The following ZNF311 variants were observed in gnomAD, a reference collection of about 807,000 sequenced individuals.
ZNF311 encodes zinc finger protein 311.
In ZNF311, 14 loss-of-function variants were observed where a neutral mutation model predicts 22.7. The ratio of observed to expected loss-of-function variants is 0.62; its 90% CI spans 0.41 to 0.96. ZNF311 has a LOEUF of 0.96. ZNF311 is among the 40% of genes least tolerant of loss of function. ZNF311 has a pLI of 0.00. For synonymous variants in ZNF311, 250 were observed against 275.3 expected, an observed-to-expected ratio of 0.91 and a Z score of 0.91; for missense variants, 731 against 799.0, an observed-to-expected ratio of 0.91 and a Z score of 1.03.
At chr6:29,003,662 G>A in intron 2 of ZNF311, 68 bp from the exon 3 acceptor site, 5 of 1,553,956 alleles carry the variant, frequency 3.2e-6, no homozygotes, top group South Asian at 1.1e-5. Context: ...GAAGATGCAA[G>A]CAACCATACA....
Position 29,004,184 on chromosome 6 carries a change from C to T in ZNF311, c.-230G>A, listed in dbSNP as rs892901665. On this transcript the variant is annotated 5_prime_UTR_variant, in exon 2 of 7. The change creates a new upstream start codon in the 5' untranslated region. Transcript: ENST00000377179. ...CTGGATTTGGGGTTCATTAGCAACA[C>T]TAAACCGCTGTGATCTCACATCTTG... 11 of 1,436,962 alleles carry T rather than the reference C, an allele frequency of 7.7e-6. No individual in the cohort carries two copies. The Admixed American group carries it at 1.7e-4, about 22-fold the overall frequency. The allele number at this position is 1,436,962 out of a possible 1,614,324, so 89.0% of individuals were successfully genotyped here. A position where few individuals can be genotyped will look rare whatever the true frequency, so the allele number is the denominator to read the frequency against.
In ZNF311 at chr6:28,995,768, C is replaced by T. The variant is rs1412226774; in HGVS notation, c.1234G>A (p.Glu412Lys). 2 of 1,613,842 alleles carry T rather than the reference C, an allele frequency of 1.2e-6. No homozygotes were observed. The highest frequency in any genetic ancestry group is 1.3e-5 in the African/African-American group (1 of 74,904). Residue 412 changes from glutamate (E) to lysine (K), a missense_variant, in exon 7 of 7, where the codon GAA becomes AAA. Glu to Lys is a moderately conservative substitution (Grantham distance 56). Coordinates refer to ENST00000377179, the MANE Select transcript of ZNF311 (RefSeq NM_001382360.1). This position sits in a 1 kb window ranked among gnomAD's most constrained non-coding sequence, Gnocchi z 4.7. ...LTKHIRIHTG[E>K]RPYECSKCGR... ...CACTTGCTGCACTCATAAGGTCGTT[C>T]CCCAGTGTGGATTCTTATGTGTTTG...
At position 28,995,600 on chromosome 6, in the gene ZNF311, C is replaced by A. The variant is rs767960039; in HGVS notation, c.1402G>T (p.Glu468Ter). 6.2e-7 allele frequency: 1 copy of A among 1,613,628 alleles called. No homozygotes were observed. The highest frequency in any genetic ancestry group is 1.3e-5 in the African/African-American group (1 of 75,042). ...LTKHRRIHTEEKRYRCEECGK... is the reference protein window; with the variant it reads ...LTKHRRIHTE The stretch of plus-strand genomic sequence containing the variant: ...CACTCCTCACACCTGTAACGTTTCT[C>A]TTCAGTGTGGATCCTTCTGTGTTTG... Residue 468 changes from glutamate (E) to a stop codon, truncating the protein, a stop_gained, in exon 7 of 7, where the codon GAG becomes TAG. Transcript: ENST00000377179. LOFTEE classifies it low-confidence loss of function (END_TRUNC). The surrounding 1 kb of genome is among the most constrained non-coding windows in gnomAD (Gnocchi z 4.7).
chr6:29,000,095 G>T, intron 3 of ZNF311, 48 bp from the exon 4 acceptor site: 4 of 1,540,004 alleles, frequency 2.6e-6, no homozygotes, highest in Non-Finnish European at 3.6e-6. Context: ...CAGTATTAAT[G>T]AAATCTCCTG....
At chr6:29,005,601 A>G (rs983763255), upstream of ZNF311, among the ~76,000 whole-genome samples, 4 of 152,098 alleles carry the variant, frequency 2.6e-5, no homozygotes, top group African/African-American at 9.7e-5. Context: ...GAAATGAGAA[A>G]CAGAAATATA....
At position 28,995,946 on chromosome 6, in the gene ZNF311, G is replaced by C. The variant is rs1039151008; in HGVS notation, c.1056C>G (p.Ile352Met). The change falls in exon 7 of 7, where the codon ATC becomes ATG. Residue 352 changes from isoleucine (I) to methionine (M), a missense_variant. Coordinates refer to ENST00000377179, the MANE Select transcript of ZNF311 (RefSeq NM_001382360.1). This position sits in a 1 kb window ranked among gnomAD's most constrained non-coding sequence, Gnocchi z 4.7. The part of the protein sequence containing the change: ...TRNRLCMHQL[I>M]HTGEKPYKCN... ...ATTTGTAAGGCTTCTCCCCGGTGTG[G>C]ATAAGCTGATGCATACAGAGACGGT... is the stretch of plus-strand genomic sequence containing the variant. 10 of 1,613,736 alleles carry C rather than the reference G, an allele frequency of 6.2e-6. No homozygotes were observed. In the African/African-American group the frequency reaches 1.2e-4, roughly 19 times the overall value.
At position 28,995,651 on chromosome 6, in the gene ZNF311, C is replaced by A. The variant is rs1287604648; in HGVS notation, c.1351G>T (p.Asp451Tyr). The change falls in exon 7 of 7, where the codon GAC becomes TAC. Residue 451 changes from aspartate to tyrosine, a missense_variant. Asp to Tyr is a radical substitution (Grantham distance 160). Coordinates refer to ENST00000377179, the MANE Select transcript of ZNF311 (RefSeq NM_001382360.1). The surrounding 1 kb of genome is among the most constrained non-coding windows in gnomAD (Gnocchi z 4.7). The stretch of plus-strand genomic sequence containing the variant: ...GTGAGTTCTGCCTTGATGCTGAAGT[C>A]TTTTCCACACTGGGGACACCCATAG... ...KHYGCPQCGK[D>Y]FSIKAELTKH... 3 of 1,613,428 alleles carry A rather than the reference C, an allele frequency of 1.9e-6. No homozygotes were observed. The highest frequency in any genetic ancestry group is 2.5e-6 in the Non-Finnish European group (3 of 1,180,014).
chr6:29,004,442 CTTTTT>C (rs9280531), intron 1 of ZNF311, among the ~76,000 whole-genome samples: 9 of 30,604 alleles, frequency 2.9e-4, no homozygotes, highest in African/African-American at 9.0e-4. Context: ...TTCCTCCTTT[CTTTTT>C]TTTTTTTTTT....
intron 2 of ZNF311, 72 bp downstream of exon 2, chr6:29,003,874 G>A (rs552356772): frequency 6.2e-7 from 1 of 1,612,694 alleles, no homozygotes; most frequent in East Asian, 2.2e-5. Context: ...CACTCACACT[G>A]CTTTCCTTCT....
Position 28,994,976 on chromosome 6 carries a change from G to T in ZNF311, c.*25C>A. 1 of 1,555,370 alleles carries T rather than the reference G, an allele frequency of 6.4e-7. No homozygotes were observed. On this transcript the variant is annotated 3_prime_UTR_variant, in exon 7 of 7. Transcript: ENST00000377179. ...ACCAGCCTAAGAGGTAGGAAAAACA[G>T]AAAGTAACACCAGAATCGTTATACT...
At chr6:29,003,299 G>A (rs1780705900) in intron 3 of ZNF311, among the ~76,000 whole-genome samples, 1 of 152,090 alleles carries the variant, frequency 6.6e-6, no homozygotes, top group Non-Finnish European at 1.5e-5. Context: ...TTTACACACT[G>A]ATTTTTTTCA....
chr6:28,999,424 A>C, intron 5 of ZNF311, 63 bp downstream of exon 5: 1 of 1,454,066 alleles, frequency 6.9e-7, no homozygotes, highest in Admixed American at 2.3e-5. Context: ...TACATCAATA[A>C]ATAAATCAAT....
intron 3 of ZNF311, among the ~76,000 whole-genome samples, chr6:29,002,627 T>A (rs2150719783): frequency 6.6e-6 from 1 of 151,392 alleles, no homozygotes; most frequent in Admixed American, 6.6e-5. Flanking sequence ...GCAATTTTTT[T>A]TTTTTTTTTT....
chr6:28,995,585 A>T lies in ZNF311; in HGVS notation c.1417T>A (p.Cys473Ser). 1 of 1,613,524 alleles carries T rather than the reference A, an allele frequency of 6.2e-7. No homozygotes were observed. The highest frequency in any genetic ancestry group is 8.5e-7 in the Non-Finnish European group (1 of 1,180,000). Residue 473 changes from cysteine (C) to serine (S), a missense_variant, in exon 7 of 7, where the codon TGT (cysteine) becomes AGT (serine). Coordinates refer to ENST00000377179, the MANE Select transcript of ZNF311 (RefSeq NM_001382360.1). This position sits in a 1 kb window ranked among gnomAD's most constrained non-coding sequence, Gnocchi z 4.7. ...CGAAAGGCTTTCCCACACTCCTCAC[A>T]CCTGTAACGTTTCTCTTCAGTGTGG... ...RIHTEEKRYR[C>S]EECGKAFRHN...
At position 28,995,113 on chromosome 6, in the gene ZNF311, T is replaced by C; in HGVS notation, c.1889A>G (p.Lys630Arg). The part of the protein sequence containing the change: ...FRVSSNLTGH[K>R]KRKHQVWSTH... The stretch of plus-strand genomic sequence containing the variant: ...ACTCCATACTTGATGTTTTCTTTTC[T>C]TATGTCCAGTAAGATTTGAGCTCAC... The change falls in exon 7 of 7, where the codon AAG (lysine) becomes AGG (arginine). Residue 630 changes from lysine to arginine, a missense_variant. Lys to Arg is a conservative substitution (Grantham distance 26, BLOSUM62 2). Transcript: ENST00000377179. The surrounding 1 kb of genome is among the most constrained non-coding windows in gnomAD (Gnocchi z 4.7). 1 of 1,613,998 alleles carries C rather than the reference T, an allele frequency of 6.2e-7. No individual in the cohort carries two copies. Among genetic ancestry groups the C allele is most frequent in the Non-Finnish European group, 8.5e-7 (1 of 1,180,046 alleles).
intron 4 of ZNF311, 106 bp from the exon 5 acceptor site, chr6:28,999,719 G>T: frequency 6.9e-7 from 1 of 1,458,202 alleles, no homozygotes; most frequent in South Asian, 1.4e-5. Flanking sequence ...GAAGTGAAAG[G>T]CTCTTCCCTT....
chr6:29,002,396 T>C (rs1780569676), intron 3 of ZNF311, among the ~76,000 whole-genome samples: 1 of 152,176 alleles, frequency 6.6e-6, no homozygotes, highest in Non-Finnish European at 1.5e-5. Flanking sequence ...TTAATTCTCA[T>C]TTGTGATCCC....
Position 28,995,296 on chromosome 6 carries a change from A to T in ZNF311, c.1706T>A (p.Val569Asp). 1.2e-6 allele frequency: 2 copies of T among 1,613,704 alleles called. No homozygotes were observed. The highest frequency in any genetic ancestry group is 1.7e-6 in the Non-Finnish European group (2 of 1,179,948). Reference protein sequence around the residue: ...VCGMAFHHSSVLRQHKRIHTG... With the variant: ...VCGMAFHHSSDLRQHKRIHTG... ...GTGGATTCTTTTGTGCTGCCTCAGG[A>T]CTGAACTATGATGGAAGGCCATTCC... Residue 569 changes from valine to aspartate, a missense_variant, in exon 7 of 7, where the codon GTC becomes GAC. Val to Asp is a radical substitution (Grantham distance 152). Transcript: ENST00000377179. This position sits in a 1 kb window ranked among gnomAD's most constrained non-coding sequence, Gnocchi z 4.7.
At chr6:28,998,276 C>T (rs1230855302) in intron 6 of ZNF311, among the ~76,000 whole-genome samples, 1 of 150,098 alleles carries the variant, frequency 6.7e-6, no homozygotes, top group East Asian at 2.0e-4. Context: ...TCAAATGATT[C>T]TCCGGCCTCA....
Sources: allele counts gnomAD v4.1 joint callset (sites outside exome capture counted in the v4.1 genomes callset), GRCh38; gene constraint gnomAD v4.1.1; non-coding constraint Gnocchi (gnomAD v3.1); transcripts MANE v1.5; gene names NCBI Gene and HGNC (gene_info 2026-07-23, HGNC 2026-07-21).